Variants in CCDC13 observed in about 807,000 individuals in gnomAD.
CCDC13 encodes the protein coiled-coil domain-containing protein 13.
CCDC13 carries 70 observed loss-of-function variants against 87.3 expected under a neutral mutation model. The ratio of observed to expected loss-of-function variants is 0.80; its 90% CI spans 0.66 to 0.98. The LOEUF (loss-of-function observed/expected upper bound fraction) is 0.98. Ranked by LOEUF, CCDC13 falls within the 50% of genes least tolerant of loss-of-function variation. The probability of loss-of-function intolerance (pLI) is 0.00; values close to 1 mark genes in which losing one functional copy is unlikely to be tolerated. For synonymous variants in CCDC13, 317 were observed against 360.3 expected (o/e 0.88, Z 1.36); for missense variants, 842 against 892.0 (o/e 0.94, Z 0.71).
At chr3:42,757,260 T>C in intron 2 of CCDC13, 46 bp from the exon 3 acceptor site, 2 of 1,592,090 alleles carry the variant, frequency 1.3e-6, no homozygotes, top group Non-Finnish European at 1.7e-6. Context: ...GCAAAGGCCC[T>C]GGTGGGCAGG....
At chr3:42,763,185 A>G (rs1192188251) in intron 1 of CCDC13, among the ~76,000 whole-genome samples, 2 of 152,214 alleles carry the variant, frequency 1.3e-5, no homozygotes, top group Non-Finnish European at 2.9e-5. Flanking sequence ...TTTGAATACA[A>G]TTTGAATAGC....
chr3:42,761,226 C>T (rs339670), intron 1 of CCDC13, among the ~76,000 whole-genome samples: 2,141 of 152,240 alleles, frequency 0.014, 55 homozygotes, highest in African/African-American at 0.049. Flanking sequence ...AAAATCTGCC[C>T]CCATGTCTCC....
chr3:42,712,766 G>C (rs528120511), intron 14 of CCDC13, among the ~76,000 whole-genome samples: 5 of 152,334 alleles, frequency 3.3e-5, no homozygotes, highest in African/African-American at 1.2e-4. Flanking sequence ...CATTGCAGGA[G>C]GCACAAAGGG....
At chr3:42,741,735 T>TA (rs1031664757) in intron 8 of CCDC13, among the ~76,000 whole-genome samples, 221 of 150,552 alleles carry the variant, frequency 1.5e-3, no homozygotes, top group African/African-American at 4.9e-3. Flanking sequence ...AGACTCTATC[T>TA]AAAAAAAAAC....
intron 13 of CCDC13, among the ~76,000 whole-genome samples, chr3:42,723,241 C>T (rs544266708): frequency 1.0e-3 from 157 of 152,278 alleles, no homozygotes; most frequent in Non-Finnish European, 1.9e-3. Flanking sequence ...AGAATGTCTT[C>T]AAGGCCAGCA....
At position 42,713,249 on chromosome 3, in the gene CCDC13, C is replaced by CCT. The variant is rs765845945; in HGVS notation, c.1785_1786insAG (p.Val596ArgfsTer66). On this transcript the variant is annotated frameshift_variant, in exon 14 of 16. Coordinates refer to ENST00000310232, the MANE Select transcript of CCDC13 (RefSeq NM_144719.4). LOFTEE classifies it high-confidence loss of function. ...TTCTCCAGATGTTGCTCCAGCACCA[C>CCT]GGTGCGGTGTCGCTCCTCCTGCAGC... The CCT allele has an allele frequency of 9.9e-6, 16 of 1,614,206 alleles. No individual in the cohort carries two copies. Among genetic ancestry groups the CCT allele is most frequent in the Non-Finnish European group, 1.4e-5 (16 of 1,180,028 alleles).
At chr3:42,715,193 C>T (rs930633703) in intron 13 of CCDC13, among the ~76,000 whole-genome samples, 4 of 151,494 alleles carry the variant, frequency 2.6e-5, no homozygotes, top group South Asian at 2.1e-4. Flanking sequence ...CCTGTAATCC[C>T]GGCTATTTGG....
At chr3:42,760,090 G>C (rs77872543) in intron 1 of CCDC13, among the ~76,000 whole-genome samples, 4 of 151,986 alleles carry the variant, frequency 2.6e-5, no homozygotes, top group African/African-American at 7.3e-5. Flanking sequence ...TCAGGAATTC[G>C]AGACTAGCCT....
intron 1 of CCDC13, among the ~76,000 whole-genome samples, chr3:42,764,445 G>C (rs1001918866): frequency 6.6e-6 from 1 of 152,190 alleles, no homozygotes; most frequent in African/African-American, 2.4e-5. Context: ...CGTCCCACAC[G>C]GACAGCAGCT....
chr3:42,762,074 A>C (rs934502276), intron 1 of CCDC13, among the ~76,000 whole-genome samples: 2 of 152,204 alleles, frequency 1.3e-5, no homozygotes, highest in Non-Finnish European at 2.9e-5. Flanking sequence ...AATGCTGATA[A>C]CCAGGCCCAC....
intron 14 of CCDC13, among the ~76,000 whole-genome samples, chr3:42,710,040 G>T (rs761683282): frequency 3.3e-5 from 5 of 152,030 alleles, no homozygotes; most frequent in Non-Finnish European, 7.4e-5. Flanking sequence ...CTTTGTACCA[G>T]GGTGGTTCCT....
At chr3:42,744,014 T>G (rs1240140514) in intron 7 of CCDC13, among the ~76,000 whole-genome samples, 2 of 152,186 alleles carry the variant, frequency 1.3e-5, no homozygotes. Flanking sequence ...GATTCAGTAT[T>G]GTGAAGTTGT....
At chr3:42,768,685 A>G (rs1475914865) in intron 1 of CCDC13, among the ~76,000 whole-genome samples, 4 of 85,196 alleles carry the variant, frequency 4.7e-5, no homozygotes, top group Non-Finnish European at 9.8e-5. Flanking sequence ...CTACAGAGAA[A>G]GACTCAAAAA....
At chr3:42,720,658 G>A (rs1254131921) in intron 13 of CCDC13, among the ~76,000 whole-genome samples, 4 of 152,140 alleles carry the variant, frequency 2.6e-5, no homozygotes, top group South Asian at 2.1e-4. Context: ...CTAGATTAAA[G>A]GTTAAAGGAT....
intron 1 of CCDC13, among the ~76,000 whole-genome samples, chr3:42,764,136 G>A (rs540067386): frequency 1.3e-5 from 2 of 152,326 alleles, no homozygotes; most frequent in Admixed American, 6.5e-5. Flanking sequence ...TGCAAATGAA[G>A]CCTCCAGGTA....
chr3:42,735,791 T>G lies in CCDC13; in HGVS notation c.1287A>C (p.Leu429=). The G allele has an allele frequency of 6.2e-7, 1 of 1,614,254 alleles. No homozygotes were observed. The highest frequency in any genetic ancestry group is 8.5e-7 in the Non-Finnish European group (1 of 1,180,032). ...LNSEAQRSNS[L]VAQLQAMVAE... is the part of the protein sequence containing the mutation. The stretch of plus-strand genomic sequence containing the variant: ...CTACCATGGCCTGCAGCTGGGCGAC[T>G]AGGCTGTTGCTCCGCTGAGCCTCGC... The change falls in exon 10 of 16, where the codon CTA becomes CTC. Residue 429 remains leucine, a synonymous_variant. Coordinates refer to ENST00000310232, the MANE Select transcript of CCDC13 (RefSeq NM_144719.4).
chr3:42,732,405 G>A lies in CCDC13; in HGVS notation c.1595+482C>T, dbSNP rs370334505. Reference sequence around the variant, plus strand: ...CTCCAGTGGACAGTGGGCAGGGCTCGGGACAGGGCTTAGAGGCAGGACAAC... The same window carrying A: ...CTCCAGTGGACAGTGGGCAGGGCTCAGGACAGGGCTTAGAGGCAGGACAAC... On this transcript the variant is annotated intron_variant, in intron 12 of 15. Coordinates refer to ENST00000310232, the MANE Select transcript of CCDC13 (RefSeq NM_144719.4). Among the ~76,000 whole-genome samples, 14 of 152,246 alleles carry A rather than the reference G, an allele frequency of 9.2e-5. No individual in the cohort carries two copies. The South Asian group carries it at 1.2e-3, about 14-fold the overall frequency.
chr3:42,711,477 C>T (rs1424033091), intron 14 of CCDC13, among the ~76,000 whole-genome samples: 1 of 152,188 alleles, frequency 6.6e-6, no homozygotes, highest in South Asian at 2.1e-4. Context: ...TAGTTTATGC[C>T]TCTAGAGCTT....
At chr3:42,720,930 G>C (rs1402762400) in intron 13 of CCDC13, among the ~76,000 whole-genome samples, 4 of 152,134 alleles carry the variant, frequency 2.6e-5, no homozygotes, top group African/African-American at 9.7e-5. Context: ...AACTGATTAA[G>C]ATTAAATAAA....
Sources: gnomAD v4.1 joint callset for allele counts (sites outside exome capture counted in the v4.1 genomes callset) on GRCh38, gnomAD v4.1.1 for gene constraint, MANE v1.5 for transcripts, NCBI Gene and HGNC (gene_info 2026-07-23, HGNC 2026-07-21) for gene names.